Variants in SV2B observed in about 807,000 individuals in gnomAD.
SV2B encodes the protein synaptic vesicle glycoprotein 2B, also known as solute carrier family 22 member B2.
Under a neutral mutation model 73.9 loss-of-function variants are expected in SV2B, and 41 were observed. The ratio of observed to expected loss-of-function variants is 0.56; its 90% CI spans 0.43 to 0.72. SV2B has a LOEUF of 0.72. Ranked by LOEUF, SV2B falls within the 30% of genes least tolerant of loss-of-function variation. The probability of loss-of-function intolerance (pLI) is 0.00; values close to 1 mark genes in which losing one functional copy is unlikely to be tolerated. For missense variants in SV2B, 764 were observed against 857.8 expected, an observed-to-expected ratio of 0.89 and a Z score of 1.37; for synonymous variants, 314 against 314.2, an observed-to-expected ratio of 1.00 and a Z score of 0.01.
chr15:91,125,502 T>C (rs2042451232), intron 1 of SV2B, among the ~76,000 whole-genome samples: 1 of 152,128 alleles, frequency 6.6e-6, no homozygotes, highest in Admixed American at 6.5e-5. Flanking sequence ...CCAGGCGCAG[T>C]GGCTCACGCC....
intron 1 of SV2B, among the ~76,000 whole-genome samples, chr15:91,207,185 C>A: frequency 7.9e-6 from 1 of 126,904 alleles, no homozygotes; most frequent in South Asian, 2.5e-4. Flanking sequence ...TTATGCCTGG[C>A]TTTTTTTTTT....
chr15:91,147,349 C>T (rs1243039029), intron 1 of SV2B, among the ~76,000 whole-genome samples: 4 of 152,196 alleles, frequency 2.6e-5, no homozygotes, highest in Non-Finnish European at 5.9e-5. Context: ...ATGCAAATCT[C>T]TGCAGAGATG....
chr15:91,183,964 G>GCC (rs1224838275), intron 1 of SV2B, among the ~76,000 whole-genome samples: 2 of 131,174 alleles, frequency 1.5e-5, no homozygotes, highest in East Asian at 4.0e-4. Context: ...ATCGCCTGGG[G>GCC]ACAAAAAAAA....
chr15:91,195,068 G>T (rs1055327678), intron 1 of SV2B, among the ~76,000 whole-genome samples: 1 of 152,150 alleles, frequency 6.6e-6, no homozygotes, highest in Non-Finnish European at 1.5e-5. Context: ...TTAAGTCACT[G>T]ACATAGGGGC....
intron 1 of SV2B, among the ~76,000 whole-genome samples, chr15:91,112,512 A>G (rs998616239): frequency 4.6e-5 from 7 of 152,242 alleles, no homozygotes; most frequent in African/African-American, 1.4e-4. Context: ...AGCATTTAAG[A>G]AAGAAAAAGC....
At chr15:91,198,507 G>GTT (rs1290431913) in intron 1 of SV2B, among the ~76,000 whole-genome samples, 1 of 151,444 alleles carries the variant, frequency 6.6e-6, no homozygotes, top group Non-Finnish European at 1.5e-5. Flanking sequence ...GTAGGTGTGT[G>GTT]TTTGGAGGTC....
intron 1 of SV2B, among the ~76,000 whole-genome samples, chr15:91,172,528 A>G (rs1292592336): frequency 6.6e-6 from 1 of 152,238 alleles, no homozygotes; most frequent in Non-Finnish European, 1.5e-5. Flanking sequence ...CAGAGGGCAC[A>G]GAGGGAGGCA....
intron 1 of SV2B, among the ~76,000 whole-genome samples, chr15:91,187,563 T>C (rs777362809): frequency 6.6e-6 from 1 of 152,200 alleles, no homozygotes; most frequent in Non-Finnish European, 1.5e-5. Flanking sequence ...TTCAGCACAG[T>C]AAAGCTTCTT....
rs988681346 is a variant in SV2B, at chr15:91,122,701, T to C, written c.-392+22338T>C. On this transcript the variant is annotated intron_variant, in intron 1 of 12. Coordinates refer to ENST00000394232, the MANE Select transcript of SV2B (RefSeq NM_001323032.3). The surrounding 1 kb of genome is among the most constrained non-coding windows in gnomAD (Gnocchi z 4.3). Reference sequence around the variant, plus strand: ...GTCCTGTACTTTCCAAGACATCTATTGAAATAAGAGCTTCATCCTGGAGGA... The same window carrying C: ...GTCCTGTACTTTCCAAGACATCTATCGAAATAAGAGCTTCATCCTGGAGGA... Among the ~76,000 whole-genome samples, 3 of 152,194 alleles carry C rather than the reference T, an allele frequency of 2.0e-5. No homozygotes were observed. Among genetic ancestry groups the C allele is most frequent in the Non-Finnish European group, 4.4e-5 (3 of 68,032 alleles).
chr15:91,155,069 C>T (rs1031301850), intron 1 of SV2B, among the ~76,000 whole-genome samples: 6 of 152,120 alleles, frequency 3.9e-5, no homozygotes, highest in South Asian at 2.1e-4. Context: ...CCCAAAGTAC[C>T]GCTTCTGGCC....
rs1284963038 is a variant in SV2B, at chr15:91,159,795, G to C, written c.-392+59432G>C. 4.6e-5 allele frequency among the ~76,000 whole-genome samples: 7 copies of C among 152,166 alleles called. No individual in the cohort carries two copies. The East Asian group carries it at 1.2e-3, about 25-fold the overall frequency. Reference sequence around the variant, plus strand: ...TAAAGCTGATTTAAATATGAAAAGAGAATAAAATTATCACTGTATGCTTCT... The same window carrying C: ...TAAAGCTGATTTAAATATGAAAAGACAATAAAATTATCACTGTATGCTTCT... On this transcript the variant is annotated intron_variant, in intron 1 of 12. Transcript: ENST00000394232.
chr15:91,209,729 G>T (rs1025182809), intron 1 of SV2B, among the ~76,000 whole-genome samples: 7 of 152,188 alleles, frequency 4.6e-5, no homozygotes, highest in Non-Finnish European at 1.0e-4. Context: ...GCCTTTCTCA[G>T]CTCCTGTTAC....
chr15:91,154,665 A>G (rs914993738), intron 1 of SV2B, among the ~76,000 whole-genome samples: 1 of 152,196 alleles, frequency 6.6e-6, no homozygotes, highest in Non-Finnish European at 1.5e-5. Flanking sequence ...AAGAAAAGGA[A>G]AATTTGAATA....
At chr15:91,179,143 G>A (rs1157075731) in intron 1 of SV2B, among the ~76,000 whole-genome samples, 8 of 151,950 alleles carry the variant, frequency 5.3e-5, no homozygotes, top group African/African-American at 1.7e-4. Context: ...CCTTCATTTT[G>A]TTATGTACCC....
In SV2B at chr15:91,197,528, T is replaced by C. The variant is rs1490365391; in HGVS notation, c.-391-28345T>C. 1.3e-5 allele frequency among the ~76,000 whole-genome samples: 2 copies of C among 151,136 alleles called. No homozygotes were observed. Among genetic ancestry groups the C allele is most frequent in the Non-Finnish European group, 2.9e-5 (2 of 67,874 alleles). ...CGTGAGCCACCGCGCCCAGCCATCA[T>C]TGTTTTTAATAGAAGAAAAAAAAAA... is the stretch of plus-strand genomic sequence containing the variant. On this transcript the variant is annotated intron_variant, in intron 1 of 12. Transcript: ENST00000394232. The surrounding 1 kb of genome is among the most constrained non-coding windows in gnomAD (Gnocchi z 4.9).
rs370186273 is a variant in SV2B at position 91,122,016 on chromosome 15, C to T, written c.-392+21653C>T. Among the ~76,000 whole-genome samples, 13 of 152,200 alleles carry T rather than the reference C, an allele frequency of 8.5e-5. No homozygotes were observed. The East Asian group carries it at 1.5e-3, about 18-fold the overall frequency. On this transcript the variant is annotated intron_variant, in intron 1 of 12. Coordinates refer to ENST00000394232, the MANE Select transcript of SV2B (RefSeq NM_001323032.3). The surrounding 1 kb of genome is among the most constrained non-coding windows in gnomAD (Gnocchi z 4.3). ...GTCTCGATCTCCTGACTTCATGATTCGCCTGCCTTGGCCTCCCAAAGTGCT... is the reference window on the plus strand; with the variant it reads ...GTCTCGATCTCCTGACTTCATGATTTGCCTGCCTTGGCCTCCCAAAGTGCT...
intron 9 of SV2B, among the ~76,000 whole-genome samples, chr15:91,279,524 G>A (rs1023629183): frequency 1.4e-4 from 22 of 152,288 alleles, no homozygotes; most frequent in Admixed American, 1.4e-3. Flanking sequence ...GCTGGAGATC[G>A]GAGGAGATGA....
chr15:91,205,753 C>T (rs962594602), intron 1 of SV2B, among the ~76,000 whole-genome samples: 8 of 152,162 alleles, frequency 5.3e-5, no homozygotes, highest in African/African-American at 1.7e-4. Context: ...GATTGCTTAA[C>T]ATTTTATTGC....
In SV2B at chr15:91,113,926, C is replaced by T. The variant is rs577932360; in HGVS notation, c.-392+13563C>T. On this transcript the variant is annotated intron_variant, in intron 1 of 12. Coordinates refer to ENST00000394232, the MANE Select transcript of SV2B (RefSeq NM_001323032.3). ...ATTGTGCACAATAATAGGTGCCTTC[C>T]CACTGGACTATAGATTCCCTGAGAG... Among the ~76,000 whole-genome samples, 22 of 152,176 alleles carry T rather than the reference C, an allele frequency of 1.4e-4. No homozygotes were observed. The East Asian group carries it at 4.1e-3, about 28-fold the overall frequency.
Sources: gnomAD v4.1 joint callset for allele counts (sites outside exome capture counted in the v4.1 genomes callset) on GRCh38, gnomAD v4.1.1 for gene constraint, Gnocchi (gnomAD v3.1) non-coding constraint, MANE v1.5 for transcripts, NCBI Gene and HGNC (gene_info 2026-07-23, HGNC 2026-07-21) for gene names.